The following THEMIS variants were observed in gnomAD, a reference collection of about 807,000 sequenced individuals.
THEMIS encodes the protein thymocyte selection associated.
Under a neutral mutation model 52.6 loss-of-function variants are expected in THEMIS, and 37 were observed. The ratio of observed to expected loss-of-function variants is 0.70; its 90% CI spans 0.54 to 0.93. The LOEUF (loss-of-function observed/expected upper bound fraction) is 0.93. Ranked by LOEUF, THEMIS falls within the 40% of genes least tolerant of loss-of-function variation. THEMIS has a pLI of 0.00. For synonymous variants in THEMIS, 292 were observed against 272.7 expected, an observed-to-expected ratio of 1.07 and a Z score of -0.70; for missense variants, 808 against 763.1, an observed-to-expected ratio of 1.06 and a Z score of -0.69.
At chr6:127,706,768 A>C (rs1773812105), downstream of THEMIS, among the ~76,000 whole-genome samples, 2 of 152,118 alleles carry the variant, frequency 1.3e-5, no homozygotes, top group Non-Finnish European at 2.9e-5. Context: ...TAATATGTGG[A>C]TAAAGCCTAA....
chr6:127,819,055 G>A (rs1442240233), intron 3 of THEMIS, among the ~76,000 whole-genome samples: 3 of 143,746 alleles, frequency 2.1e-5, no homozygotes, highest in Non-Finnish European at 4.6e-5. Flanking sequence ...GGGAGGTGGA[G>A]GTTGCAGTGA....
chr6:127,736,381 C>T (rs1191089592), intron 4 of THEMIS, among the ~76,000 whole-genome samples: 1 of 151,924 alleles, frequency 6.6e-6, no homozygotes, highest in African/African-American at 2.4e-5. Flanking sequence ...ATGTTTCAAC[C>T]CACTCCCACA....
At chr6:127,901,289 G>A (rs1180680812), upstream of THEMIS, among the ~76,000 whole-genome samples, 2 of 151,422 alleles carry the variant, frequency 1.3e-5, no homozygotes, top group Non-Finnish European at 2.9e-5. Context: ...TACTATGGTA[G>A]CAAAACTGAG....
At chr6:127,915,863 T>G (rs1363249601) in intron 1 of THEMIS, among the ~76,000 whole-genome samples, 1 of 152,104 alleles carries the variant, frequency 6.6e-6, no homozygotes, top group Non-Finnish European at 1.5e-5. Flanking sequence ...GGCACACGCC[T>G]GTAATCCCAG....
intron 2 of THEMIS, among the ~76,000 whole-genome samples, chr6:127,845,918 A>C (rs78231089): frequency 6.6e-6 from 1 of 151,924 alleles, no homozygotes. Context: ...TTGCATACGC[A>C]AGAAAGACCC....
intron 1 of THEMIS, among the ~76,000 whole-genome samples, chr6:127,897,046 A>G (rs1409070567): frequency 1.3e-5 from 2 of 151,520 alleles, no homozygotes. Context: ...TTAACAGAGT[A>G]AGATGATAGA....
chr6:127,774,044 T>C (rs1418899485), intron 4 of THEMIS, among the ~76,000 whole-genome samples: 1 of 152,180 alleles, frequency 6.6e-6, no homozygotes, highest in Non-Finnish European at 1.5e-5. Context: ...CCTGGCACTT[T>C]GGTGAAGAAA....
At chr6:127,866,204 C>A (rs1206500669) in intron 1 of THEMIS, among the ~76,000 whole-genome samples, 1 of 151,634 alleles carries the variant, frequency 6.6e-6, no homozygotes, top group Non-Finnish European at 1.5e-5. Flanking sequence ...AGTCTTTAAT[C>A]GAAAGAATAA....
rs557721801 is a variant in THEMIS at position 127,751,358 on chromosome 6, T to C, written c.1759-31535A>G. Among the ~76,000 whole-genome samples, 13 of 151,442 alleles carry C rather than the reference T, an allele frequency of 8.6e-5. No individual in the cohort carries two copies. In the East Asian group the frequency reaches 2.3e-3, roughly 27 times the overall value. ...ATAACAAAGAAAAACCTTTAGCAGA[T>C]ACACAAAAATAAAGAGAAAGGAAGG... On this transcript the variant is annotated intron_variant, in intron 4 of 5. Transcript: ENST00000368248.
At position 127,813,220 on chromosome 6, in the gene THEMIS, GCCAACACGT is replaced by G. The variant is rs1777985946; in HGVS notation, c.1412_1420del (p.Asp471_Leu473del). 1 of 1,613,962 alleles carries G rather than the reference GCCAACACGT, an allele frequency of 6.2e-7. No individual in the cohort carries two copies. The highest frequency in any genetic ancestry group is 1.1e-5 in the South Asian group (1 of 91,090). On this transcript the variant is annotated inframe_deletion, in exon 4 of 6. Transcript: ENST00000368248. ...CTCCAACTGCAGTCCTGGTGTGGCA[GCCAACACGT>G]CCTCTTCAATGGAAAGATCCCTGAC... is the stretch of plus-strand genomic sequence containing the variant.
At chr6:127,843,975 G>A (rs1264077712) in intron 2 of THEMIS, among the ~76,000 whole-genome samples, 1 of 151,954 alleles carries the variant, frequency 6.6e-6, no homozygotes, top group Non-Finnish European at 1.5e-5. Context: ...AAGACCCTGA[G>A]GCAGAACTAT....
At chr6:127,896,717 T>C (rs1330283656) in intron 1 of THEMIS, among the ~76,000 whole-genome samples, 1 of 151,560 alleles carries the variant, frequency 6.6e-6, no homozygotes, top group Admixed American at 6.6e-5. Context: ...TTTGGCTGTG[T>C]GTTATAATCA....
chr6:127,858,164 C>T (rs1779679332), intron 1 of THEMIS, among the ~76,000 whole-genome samples: 1 of 152,144 alleles, frequency 6.6e-6, no homozygotes, highest in Non-Finnish European at 1.5e-5. Flanking sequence ...TATCAATTCA[C>T]ATGGAATAGA....
intron 4 of THEMIS, among the ~76,000 whole-genome samples, chr6:127,754,733 A>G (rs1322178629): frequency 1.3e-5 from 2 of 152,176 alleles, no homozygotes; most frequent in Non-Finnish European, 2.9e-5. Context: ...GAGTTAATAT[A>G]AGGAAAAAGG....
At chr6:127,893,842 A>C (rs531314856) in intron 1 of THEMIS, among the ~76,000 whole-genome samples, 1 of 152,170 alleles carries the variant, frequency 6.6e-6, no homozygotes, top group Non-Finnish European at 1.5e-5. Flanking sequence ...AGGACAAAGA[A>C]TATGTTTCCT....
intron 2 of THEMIS, among the ~76,000 whole-genome samples, chr6:127,838,026 A>G (rs1227573712): frequency 1.3e-5 from 2 of 152,132 alleles, no homozygotes; most frequent in African/African-American, 2.4e-5. Context: ...GACAAGTGGA[A>G]GCACTGAGTT....
At chr6:127,783,141 G>T (rs973315351) in intron 4 of THEMIS, among the ~76,000 whole-genome samples, 2 of 152,142 alleles carry the variant, frequency 1.3e-5, no homozygotes, top group Admixed American at 1.3e-4. Flanking sequence ...AATGGGGAAA[G>T]GATTCCCTAT....
intron 5 of THEMIS, among the ~76,000 whole-genome samples, chr6:127,718,259 C>T (rs954678319): frequency 1.3e-5 from 2 of 151,782 alleles, no homozygotes; most frequent in African/African-American, 4.8e-5. Context: ...TAAATAAATG[C>T]ATGTTAAAAT....
At chr6:127,903,407 T>TA (rs938009180), upstream of THEMIS, among the ~76,000 whole-genome samples, 46 of 150,302 alleles carry the variant, frequency 3.1e-4, no homozygotes, top group African/African-American at 9.1e-4. Flanking sequence ...ACGAGAATTT[T>TA]AAAAAAAAAA....
Sources: allele counts gnomAD v4.1 joint callset (sites outside exome capture counted in the v4.1 genomes callset), GRCh38; gene constraint gnomAD v4.1.1; transcripts MANE v1.5; gene names NCBI Gene and HGNC (gene_info 2026-07-23, HGNC 2026-07-21).